The following EFCAB7 variants were observed in gnomAD, a reference collection of about 807,000 sequenced individuals.
EFCAB7 encodes EF-hand calcium binding domain 7, also known as EF-hand calcium-binding domain-containing protein 7.
In EFCAB7, 66 loss-of-function variants were observed where a neutral mutation model predicts 77.1. The ratio of observed to expected loss-of-function variants is 0.86; its 90% CI spans 0.70 to 1.05. The LOEUF (loss-of-function observed/expected upper bound fraction) is 1.05, where lower values mean the gene tolerates loss of function less well. Ranked by LOEUF, EFCAB7 falls within the 50% of genes least tolerant of loss-of-function variation. The pLI, the probability that EFCAB7 is intolerant of heterozygous loss-of-function variation, is 0.00. For missense variants in EFCAB7, 638 were observed against 730.5 expected (o/e 0.87, Z 1.46); for synonymous variants, 225 against 243.3 (o/e 0.92, Z 0.70).
chr1:63,564,800 AAT>A (rs1194983787), intron 11 of EFCAB7, among the ~76,000 whole-genome samples: 1 of 152,148 alleles, frequency 6.6e-6, no homozygotes, highest in Non-Finnish European at 1.5e-5. Context: ...CATGCTACCT[AAT>A]TTCAAACTAT....
rs754248857 is a variant in EFCAB7, at chr1:63,551,788, A to C, written c.1010A>C (p.Gln337Pro). ...TATATTCTCAAGGAAAATGAGAGTC[A>C]AGCAAATCTACAGCTTGTGTGTTTT... ...ALYILKENESQANLQLVCFTE... is the reference protein window; with the variant it reads ...ALYILKENESPANLQLVCFTE... Residue 337 changes from glutamine (Q) to proline (P), a missense_variant, in exon 8 of 14, where the codon CAA (glutamine) becomes CCA (proline). Physicochemically the swap from Gln to Pro is moderately conservative, Grantham distance 76. Coordinates refer to ENST00000371088, the MANE Select transcript of EFCAB7 (RefSeq NM_032437.4). 6.3e-7 allele frequency: 1 copy of C among 1,597,256 alleles called. No individual in the cohort carries two copies. Among genetic ancestry groups the C allele is most frequent in the South Asian group, 1.1e-5 (1 of 86,962 alleles).
chr1:63,556,875 A>C (rs185057426), intron 9 of EFCAB7, among the ~76,000 whole-genome samples: 3,187 of 109,916 alleles, frequency 0.029, 121 homozygotes, highest in African/African-American at 0.087. Flanking sequence ...TAAAAATACA[A>C]AAAAAAAAAA....
chr1:63,573,275 G>A (rs982629576), downstream of EFCAB7, among the ~76,000 whole-genome samples: 1 of 152,072 alleles, frequency 6.6e-6, no homozygotes, highest in African/African-American at 2.4e-5. Flanking sequence ...TTAAGCTGAA[G>A]GAAGATTTTA....
intron 6 of EFCAB7, among the ~76,000 whole-genome samples, chr1:63,542,609 C>T (rs1031921030): frequency 6.6e-6 from 1 of 152,178 alleles, no homozygotes; most frequent in Admixed American, 6.5e-5. Flanking sequence ...TCTCCACATA[C>T]CAATACTTGT....
chr1:63,532,482 A>T (rs1385673746), intron 3 of EFCAB7, among the ~76,000 whole-genome samples, 188 bp from the exon 4 acceptor site: 3 of 152,036 alleles, frequency 2.0e-5, no homozygotes, highest in Admixed American at 6.5e-5. Context: ...ACTTTCACAA[A>T]ATTTAATAAA....
downstream of EFCAB7, among the ~76,000 whole-genome samples, chr1:63,574,506 TA>T (rs141529741): frequency 0.01 from 1,573 of 152,272 alleles, 26 homozygotes; most frequent in African/African-American, 0.035. Flanking sequence ...ATTGGAACAC[TA>T]GCTGCTTTTT....
rs147278933 is a variant in EFCAB7, at chr1:63,533,467, A to G, written c.500A>G (p.Tyr167Cys). The G allele has an allele frequency of 4.6e-3, 7,427 of 1,603,158 alleles. 31 individuals carry two copies. The highest frequency in any genetic ancestry group is 5.8e-3 in the Non-Finnish European group (6,813 of 1,177,088). Residue 167 changes from tyrosine (Y) to cysteine (C), a missense_variant, in exon 5 of 14, where the codon TAT becomes TGT. Physicochemically the swap from Tyr to Cys is radical, Grantham distance 194 (BLOSUM62 -2). Coordinates refer to ENST00000371088, the MANE Select transcript of EFCAB7 (RefSeq NM_032437.4). ...KFDYIKFCKL[Y>C]MTTNEQCLKT... Reference sequence around the variant, plus strand: ...TTTTTCCTGTAGTTTTGTAAATTATATATGACAACCAACGAGCAATGTCTC... The same window carrying G: ...TTTTTCCTGTAGTTTTGTAAATTATGTATGACAACCAACGAGCAATGTCTC...
At chr1:63,545,390 A>C (rs1646884872) in intron 6 of EFCAB7, among the ~76,000 whole-genome samples, 1 of 152,190 alleles carries the variant, frequency 6.6e-6, no homozygotes. Context: ...GTTAGGCACT[A>C]TTTTAGGAAC....
chr1:63,567,335 C>T (rs1006356309), intron 11 of EFCAB7, among the ~76,000 whole-genome samples: 2 of 152,080 alleles, frequency 1.3e-5, no homozygotes, highest in African/African-American at 2.4e-5. Flanking sequence ...CACCTGTAAT[C>T]GCAGCTACTT....
intron 2 of EFCAB7, among the ~76,000 whole-genome samples, chr1:63,526,164 G>A (rs566736289): frequency 6.6e-6 from 1 of 152,314 alleles, no homozygotes; most frequent in Admixed American, 6.5e-5. Context: ...GTGAAGTACT[G>A]AGAGATAAGT....
At chr1:63,527,269 T>G (rs1646609614) in intron 2 of EFCAB7, among the ~76,000 whole-genome samples, 1 of 152,208 alleles carries the variant, frequency 6.6e-6, no homozygotes, top group Non-Finnish European at 1.5e-5. Context: ...TCTGGGAGGA[T>G]AACTATACAG....
At chr1:63,533,957 C>A in intron 5 of EFCAB7, 138 bp from the exon 6 acceptor site, 2 of 954,950 alleles carry the variant, frequency 2.1e-6, no homozygotes, top group Non-Finnish European at 3.0e-6. Context: ...AAATATAAAA[C>A]TTCTGACTTT....
At chr1:63,535,334 A>G (rs891509776) in intron 6 of EFCAB7, among the ~76,000 whole-genome samples, 3 of 152,096 alleles carry the variant, frequency 2.0e-5, no homozygotes, top group Non-Finnish European at 4.4e-5. Flanking sequence ...TGCTTAGTGT[A>G]AAATATGAGC....
chr1:63,541,156 A>T (rs950121381), intron 6 of EFCAB7, among the ~76,000 whole-genome samples: 49 of 152,278 alleles, frequency 3.2e-4, no homozygotes, highest in African/African-American at 1.1e-3. Flanking sequence ...TTAATGCAAA[A>T]GTTACTACAA....
At chr1:63,579,790 A>C in the EFCAB7 span, among the ~76,000 whole-genome samples, 2 of 152,140 alleles carry the variant, frequency 1.3e-5, no homozygotes, top group Admixed American at 1.3e-4. Flanking sequence ...GTATTTCCCT[A>C]ATGGCTAATG....
chr1:63,532,140 A>G, intron 3 of EFCAB7, 109 bp downstream of exon 3: 1 of 765,168 alleles, frequency 1.3e-6, no homozygotes, highest in Non-Finnish European at 2.2e-6. Flanking sequence ...TTGAGAGGTT[A>G]AATGAATTAC....
At chr1:63,533,791 G>A (rs1162488495) in intron 5 of EFCAB7, 142 bp downstream of exon 5, 1 of 679,040 alleles carries the variant, frequency 1.5e-6, no homozygotes, top group South Asian at 3.1e-5. Flanking sequence ...GACTCTTTCA[G>A]CTGTAAAAAT....
In EFCAB7 at chr1:63,532,753, C is replaced by T; in HGVS notation, c.483C>T (p.Ile161=). ...ATGCTGATGGCAAATTTGACTACAT[C>T]AAGGTACATAAGCTCACATTGATGT... ...DVNADGKFDY[I]KFCKLYMTTN... Residue 161 remains isoleucine (I), a synonymous_variant, in exon 4 of 14, where the codon ATC becomes ATT. Transcript: ENST00000371088. 6.3e-7 allele frequency: 1 copy of T among 1,598,814 alleles called. No individual in the cohort carries two copies. The highest frequency in any genetic ancestry group is 8.5e-7 in the Non-Finnish European group (1 of 1,174,372).
At chr1:63,561,030 T>G (rs1647093937) in intron 10 of EFCAB7, among the ~76,000 whole-genome samples, 1 of 152,224 alleles carries the variant, frequency 6.6e-6, no homozygotes, top group Non-Finnish European at 1.5e-5. Context: ...CGACTTATTA[T>G]CCATGTTACA....
Sources: allele counts gnomAD v4.1 joint callset (sites outside exome capture counted in the v4.1 genomes callset), GRCh38; gene constraint gnomAD v4.1.1; transcripts MANE v1.5; gene names NCBI Gene and HGNC (gene_info 2026-07-23, HGNC 2026-07-21).